PRKD1: variants seen among roughly 807,000 people sequenced by gnomAD.
PRKD1 encodes the protein protein kinase D1, also known as serine/threonine-protein kinase D1.
In PRKD1, 63 loss-of-function variants were observed where a neutral mutation model predicts 95.9. The observed-to-expected ratio is 0.66, with a 90% confidence interval of 0.54 to 0.81. The LOEUF is 0.81. Among genes scored for constraint, PRKD1 ranks in the 30% least tolerant of loss-of-function variants. The pLI, the probability that PRKD1 is intolerant of heterozygous loss-of-function variation, is 0.00. For missense variants in PRKD1, 1,048 were observed against 1,165.3 expected (o/e 0.90, Z 1.47); for synonymous variants, 425 against 423.1 (o/e 1.00, Z -0.05).
chr14:29,587,024 G>C (rs1341975735), intron 16 of PRKD1, among the ~76,000 whole-genome samples: 7 of 152,184 alleles, frequency 4.6e-5, no homozygotes, highest in Non-Finnish European at 7.3e-5. Context: ...TTGTGCCACA[G>C]TGAACAGGAG....
At chr14:29,741,858 T>C (rs189064460) in intron 1 of PRKD1, among the ~76,000 whole-genome samples, 116 of 151,166 alleles carry the variant, frequency 7.7e-4, no homozygotes, top group African/African-American at 2.8e-3. Flanking sequence ...ACTGATTTTT[T>C]TTAAAAAAAC....
At chr14:29,649,438 T>G (rs1881350050) in intron 4 of PRKD1, among the ~76,000 whole-genome samples, 1 of 152,016 alleles carries the variant, frequency 6.6e-6, no homozygotes, top group South Asian at 2.1e-4. Flanking sequence ...TCTAATTTTT[T>G]TTTTTTAATT....
At chr14:29,730,087 A>G (rs1886358921) in intron 1 of PRKD1, among the ~76,000 whole-genome samples, 1 of 152,058 alleles carries the variant, frequency 6.6e-6, no homozygotes, top group South Asian at 2.1e-4. Flanking sequence ...CAATCAATAG[A>G]GTGAAGAGAC....
chr14:29,859,623 AT>A (rs1566640846), intron 1 of PRKD1, among the ~76,000 whole-genome samples: 1 of 149,720 alleles, frequency 6.7e-6, no homozygotes, highest in African/African-American at 2.5e-5. Flanking sequence ...AAAAAAAAAA[AT>A]CTGACAGTAA....
rs45569238 is a variant in PRKD1 at position 29,837,202 on chromosome 14, G to GT, written c.264+90046dup. ...TAAGTACCCTTCTTTCTCATAAGGT[G>GT]TTTTTTTTAAAGAATTCAAAATGAA... On this transcript the variant is annotated intron_variant, in intron 1 of 17. Transcript: ENST00000331968. Among the ~76,000 whole-genome samples, 464 of 151,856 alleles carry GT rather than the reference G, an allele frequency of 3.1e-3. 4 individuals carry two copies. Among genetic ancestry groups the GT allele is most frequent in the Non-Finnish European group, 4.9e-3 (333 of 67,894 alleles).
chr14:29,707,812 G>A (rs1885161383), intron 2 of PRKD1, among the ~76,000 whole-genome samples: 1 of 151,846 alleles, frequency 6.6e-6, no homozygotes, highest in Non-Finnish European at 1.5e-5. Flanking sequence ...TGTGTCTGTC[G>A]GCTTCATGAA....
chr14:29,651,487 G>A (rs1328838757), intron 4 of PRKD1, among the ~76,000 whole-genome samples: 1 of 152,124 alleles, frequency 6.6e-6, no homozygotes, highest in Non-Finnish European at 1.5e-5. Flanking sequence ...AGAATACCAT[G>A]TCTAAGGGGT....
chr14:29,689,158 A>G (rs1884079836), intron 2 of PRKD1, among the ~76,000 whole-genome samples: 1 of 151,968 alleles, frequency 6.6e-6, no homozygotes, highest in Non-Finnish European at 1.5e-5. Flanking sequence ...AAAAGAAACT[A>G]TCATCAGAGT....
chr14:29,773,296 C>T (rs919449244), intron 1 of PRKD1, among the ~76,000 whole-genome samples: 5 of 151,948 alleles, frequency 3.3e-5, no homozygotes, highest in Non-Finnish European at 7.4e-5. Flanking sequence ...CCCCACTCTA[C>T]TAAAAATACA....
chr14:29,819,328 G>A (rs982982542), intron 1 of PRKD1, among the ~76,000 whole-genome samples: 16 of 152,214 alleles, frequency 1.1e-4, no homozygotes, highest in East Asian at 1.9e-4. Flanking sequence ...GCCATGGTGC[G>A]TAATATCCTC....
intron 1 of PRKD1, among the ~76,000 whole-genome samples, chr14:29,922,503 A>G (rs913915565): frequency 7.9e-5 from 12 of 152,196 alleles, no homozygotes; most frequent in African/African-American, 2.9e-4. Flanking sequence ...ATAATCTACT[A>G]CATATAAATT....
chr14:29,610,348 T>C (rs936103982), intron 13 of PRKD1, among the ~76,000 whole-genome samples: 1 of 151,902 alleles, frequency 6.6e-6, no homozygotes, highest in Non-Finnish European at 1.5e-5. Context: ...ATTAAAAAAA[T>C]GGGCCAAAAA....
chr14:29,626,409 C>A, intron 12 of PRKD1, 75 bp downstream of exon 12: 1 of 1,187,070 alleles, frequency 8.4e-7, no homozygotes, highest in Non-Finnish European at 1.2e-6. Context: ...CTATGTTTTT[C>A]CTGTAAATAT....
intron 1 of PRKD1, among the ~76,000 whole-genome samples, chr14:29,830,843 C>T (rs1891378935): frequency 6.6e-6 from 1 of 151,972 alleles, no homozygotes. Context: ...CATGCAAGTG[C>T]CACCACGCCC....
intron 1 of PRKD1, among the ~76,000 whole-genome samples, chr14:29,820,110 A>C (rs1400669521): frequency 6.6e-6 from 1 of 152,190 alleles, no homozygotes; most frequent in Non-Finnish European, 1.5e-5. Context: ...ATCCGCCCTA[A>C]ACACAATGGA....
At chr14:29,715,240 T>C (rs1885546107) in intron 2 of PRKD1, among the ~76,000 whole-genome samples, 1 of 152,032 alleles carries the variant, frequency 6.6e-6, no homozygotes, top group Admixed American at 6.6e-5. Context: ...TGTGCATGTG[T>C]GTAAACAGTG....
At chr14:29,686,800 C>T (rs1404841184) in intron 2 of PRKD1, among the ~76,000 whole-genome samples, 2 of 152,164 alleles carry the variant, frequency 1.3e-5, no homozygotes, top group South Asian at 4.1e-4. Context: ...TAAGATAGTC[C>T]TTGGCACACA....
In PRKD1 at chr14:29,714,283, C is replaced by T. The variant is rs149553754; in HGVS notation, c.403+11253G>A. Among the ~76,000 whole-genome samples the T allele has an allele frequency of 9.9e-5, 15 of 152,098 alleles. No homozygotes were observed. The East Asian group carries it at 2.9e-3, about 29-fold the overall frequency. ...ATGAGACTTCCACAATATGCTTCCA[C>T]AATAAATATGGGTGAAGGATATGAA... On this transcript the variant is annotated intron_variant, in intron 2 of 17. Transcript: ENST00000331968.
In PRKD1 at chr14:29,745,894, A is replaced by G. The variant is rs142403871; in HGVS notation, c.265-20220T>C. Among the ~76,000 whole-genome samples, 47 of 152,280 alleles carry G rather than the reference A, an allele frequency of 3.1e-4. No individual in the cohort carries two copies. In the East Asian group the frequency reaches 8.3e-3, roughly 27 times the overall value. On this transcript the variant is annotated intron_variant, in intron 1 of 17. Transcript: ENST00000331968. ...TTAAGAAAATGGTATCTAACTATCT[A>G]TAGGTTTGAACAGATTATCTCTCTT... is the stretch of plus-strand genomic sequence containing the variant.
Sources: gnomAD v4.1 joint callset for allele counts (sites outside exome capture counted in the v4.1 genomes callset) on GRCh38, gnomAD v4.1.1 for gene constraint, MANE v1.5 for transcripts, NCBI Gene and HGNC (gene_info 2026-07-23, HGNC 2026-07-21) for gene names.